Variants in PDXDC1 observed in about 807,000 individuals in gnomAD.
The protein encoded by PDXDC1 is pyridoxal dependent decarboxylase domain containing 1, also known as pyridoxal-dependent decarboxylase domain-containing protein 1.
A neutral mutation model predicts 100.1 loss-of-function variants in PDXDC1; 42 were observed. The observed-to-expected ratio is 0.42, with a 90% confidence interval of 0.33 to 0.54. The LOEUF (loss-of-function observed/expected upper bound fraction) is 0.54. PDXDC1 is among the 20% of genes least tolerant of loss of function. PDXDC1 has a pLI of 0.10. For synonymous variants in PDXDC1, 260 were observed against 371.7 expected, an observed-to-expected ratio of 0.70 and a Z score of 3.46; for missense variants, 636 against 979.2, an observed-to-expected ratio of 0.65 and a Z score of 4.68.
chr16:15,094,585 C>T (rs1015085858), intron 16 of PDXDC1: 1 of 366,828 alleles, frequency 2.7e-6, no homozygotes, highest in African/African-American at 2.2e-5. Context: ...CTCCCTCAGT[C>T]AAATCGAAGA....
intron 16 of PDXDC1, chr16:15,072,832 A>C: frequency 9.8e-7 from 1 of 1,022,724 alleles, no homozygotes; most frequent in South Asian, 1.5e-5. Flanking sequence ...CAGACTAGCA[A>C]GTAAGCTCAA....
At chr16:15,150,501 CTAAAAATATTTT>C in the PDXDC1 span, among the ~76,000 whole-genome samples, 1 of 151,504 alleles carries the variant, frequency 6.6e-6, no homozygotes, top group Non-Finnish European at 1.5e-5. Context: ...CCCATCTCTA[CTAAAAATATTTT>C]TAAAAATTAG....
intron 16 of PDXDC1, among the ~76,000 whole-genome samples, chr16:15,054,509 CGCTA>C (rs1180766345): frequency 6.6e-6 from 1 of 152,178 alleles, no homozygotes; most frequent in Non-Finnish European, 1.5e-5. Context: ...CTCTTGACTT[CGCTA>C]GCTAACAGGA....
intron 16 of PDXDC1, chr16:15,070,188 C>T (rs559758942): frequency 9.8e-5 from 158 of 1,608,672 alleles, no homozygotes; most frequent in African/African-American, 4.2e-4. Context: ...CCTTTGTTCC[C>T]GAATCCTGGT....
chr16:15,043,290 C>T (rs536179463), downstream of PDXDC1, among the ~76,000 whole-genome samples: 83 of 151,978 alleles, frequency 5.5e-4, no homozygotes, highest in African/African-American at 1.9e-3. Flanking sequence ...CCTGCCTTGG[C>T]CTCCCAAAGT....
intron 16 of PDXDC1, chr16:15,047,742 G>T: frequency 2.0e-6 from 2 of 1,002,814 alleles, no homozygotes; most frequent in Non-Finnish European, 1.6e-6. Flanking sequence ...CCAGAAAAAA[G>T]GTAAGCGGAG....
chr16:15,074,199 C>G (rs1411932362), intron 16 of PDXDC1, among the ~76,000 whole-genome samples: 1 of 152,186 alleles, frequency 6.6e-6, no homozygotes, highest in Non-Finnish European at 1.5e-5. Context: ...GTAATGCAGT[C>G]AACTCAGATT....
intron 16 of PDXDC1, among the ~76,000 whole-genome samples, chr16:15,080,986 TTCATA>T (rs1001318363): frequency 4.9e-4 from 74 of 152,182 alleles, no homozygotes; most frequent in African/African-American, 1.8e-3. Flanking sequence ...AACCATTCCT[TTCATA>T]TCAATGGAGT....
intron 1 of PDXDC1, among the ~76,000 whole-genome samples, chr16:14,987,884 T>G (rs1395236467): frequency 6.6e-6 from 1 of 152,290 alleles, no homozygotes; most frequent in East Asian, 1.9e-4. Context: ...AGTGCTGGGA[T>G]TACAGGTGTG....
At chr16:15,038,749 A>G (rs2043666465), downstream of PDXDC1, 1 of 857,202 alleles carries the variant, frequency 1.2e-6, no homozygotes, top group African/African-American at 1.7e-5. Context: ...AAACCCTCCC[A>G]GTAACGCAAG....
In PDXDC1 at chr16:15,006,382, A is replaced by C; in HGVS notation, c.390-12A>C. The C allele has an allele frequency of 6.5e-7, 1 of 1,542,734 alleles. No individual in the cohort carries two copies. ...TAGAAATAAGAGCATATTAATATGT[A>C]TCTCTTAACAGATATGAAAATGGGT... On this transcript the variant is annotated splice_polypyrimidine_tract_variant and intron_variant, in intron 5 of 22. Transcript: ENST00000396410.
chr16:15,146,759 G>C, the PDXDC1 span, among the ~76,000 whole-genome samples: 1 of 152,064 alleles, frequency 6.6e-6, no homozygotes, highest in East Asian at 1.9e-4. Context: ...ACAGTGCATG[G>C]AGGACAGGGG....
chr16:14,994,949 A>G (rs1409711231), intron 1 of PDXDC1, among the ~76,000 whole-genome samples: 1 of 152,268 alleles, frequency 6.6e-6, no homozygotes, highest in African/African-American at 2.4e-5. Flanking sequence ...TTTGTCTGTT[A>G]TTGGTGTATA....
At chr16:14,990,294 A>G (rs1265660873) in intron 1 of PDXDC1, 18 of 221,126 alleles carry the variant, frequency 8.1e-5, no homozygotes, top group Non-Finnish European at 1.1e-4. Context: ...CAACCGCCGC[A>G]GCAGCCGCCA....
At position 15,053,414 on chromosome 16, in the gene PDXDC1, C is replaced by T. The variant is rs74958422; in HGVS notation, c.1399+23358C>T. Reference sequence around the variant, plus strand: ...GGCTTCTAACTGTTGGTACTCCATACTCAGAACACATCGTTACATGAAAAA... The same window carrying T: ...GGCTTCTAACTGTTGGTACTCCATATTCAGAACACATCGTTACATGAAAAA... On this transcript the variant is annotated intron_variant, in intron 16 of 16. Coordinates refer to the PDXDC1 transcript ENST00000535621. 9.0e-3 allele frequency among the ~76,000 whole-genome samples: 1,375 copies of T among 152,344 alleles called. 24 individuals are homozygous for T. The highest frequency in any genetic ancestry group is 0.032 in the African/African-American group (1,312 of 41,574).
At chr16:15,131,221 G>C (rs1206531873) in intron 16 of PDXDC1, 1 of 1,591,050 alleles carries the variant, frequency 6.3e-7, no homozygotes, top group South Asian at 1.1e-5. Flanking sequence ...GCCCCGGGCA[G>C]CCCAGTCCGA....
chr16:15,098,425 G>T (rs1417218869), intron 16 of PDXDC1, among the ~76,000 whole-genome samples: 1 of 151,720 alleles, frequency 6.6e-6, no homozygotes, highest in Non-Finnish European at 1.5e-5. Context: ...GGTCTCAAAT[G>T]CCTGACCTCA....
chr16:15,128,349 G>C, intron 16 of PDXDC1: 2 of 1,607,358 alleles, frequency 1.2e-6, no homozygotes, highest in Non-Finnish European at 1.7e-6. Context: ...CGCTCCGGCT[G>C]TCCACCCCAT....
rs151129728 is a variant in PDXDC1 at position 15,033,351 on chromosome 16, C to T, written c.1764C>T (p.Leu588=). 32 of 1,614,144 alleles carry T rather than the reference C, an allele frequency of 2.0e-5. No individual in the cohort carries two copies. The Admixed American group carries it at 2.2e-4, about 11-fold the overall frequency. The change falls in exon 19 of 23, where the codon CTC becomes CTT. Residue 588 remains leucine (L), a synonymous_variant. Coordinates refer to ENST00000396410, the MANE Select transcript of PDXDC1 (RefSeq NM_015027.4). ...MASDNVDAAE[L]VETIAATARE... Reference sequence around the variant, plus strand: ...GCGACAACGTCGATGCTGCTGAGCTCGTGGAGACCATTGCGGCCACAGCCC... The same window carrying T: ...GCGACAACGTCGATGCTGCTGAGCTTGTGGAGACCATTGCGGCCACAGCCC...
Sources: gnomAD v4.1 joint callset for allele counts (sites outside exome capture counted in the v4.1 genomes callset) on GRCh38, gnomAD v4.1.1 for gene constraint, MANE v1.5 for transcripts, NCBI Gene and HGNC (gene_info 2026-07-23, HGNC 2026-07-21) for gene names.